The following RTTN variants were observed in gnomAD, a reference collection of about 807,000 sequenced individuals.
RTTN encodes the protein rotatin.
A neutral mutation model predicts 269.2 loss-of-function variants in RTTN; 182 were observed. The observed-to-expected ratio is 0.68, with a 90% CI of 0.60 to 0.76. The LOEUF (loss-of-function observed/expected upper bound fraction) is 0.76, where lower values mean the gene tolerates loss of function less well. RTTN is among the 30% of genes least tolerant of loss of function. RTTN has a pLI of 0.00. For synonymous variants in RTTN, 1,006 were observed against 963.5 expected, an observed-to-expected ratio of 1.04 and a Z score of -0.82; for missense variants, 2,545 against 2,608.6, an observed-to-expected ratio of 0.98 and a Z score of 0.53.
At chr18:70,118,079 T>C (rs1398491128) in intron 26 of RTTN, among the ~76,000 whole-genome samples, 6 of 151,252 alleles carry the variant, frequency 4.0e-5, no homozygotes, top group African/African-American at 1.5e-4. Context: ...GAAGCATAAA[T>C]GAAGCCAAAA....
chr18:70,048,693 T>A (rs528897041), intron 39 of RTTN, among the ~76,000 whole-genome samples: 2 of 152,212 alleles, frequency 1.3e-5, no homozygotes, highest in Admixed American at 6.5e-5. Flanking sequence ...TAAAGTTACA[T>A]AAGAAAAATA....
In RTTN at chr18:70,028,702, T is replaced by C; in HGVS notation, c.5823+22A>G. 2.0e-6 allele frequency: 3 copies of C among 1,518,728 alleles called. No individual in the cohort carries two copies. The South Asian group carries it at 3.4e-5, about 17-fold the overall frequency. The allele number at this position is 1,518,728 out of a possible 1,614,324, so 94.1% of individuals were successfully genotyped here. On this transcript the variant is annotated intron_variant, in intron 43 of 48. Transcript: ENST00000640769. ...TTAATACCAGTACTCCTATTAAAAT[T>C]TTGAAAAGTAGTTCTACTTACTTTA...
Position 70,088,116 on chromosome 18 carries a change from G to A in RTTN, c.4175C>T (p.Ala1392Val). 6 of 1,613,654 alleles carry A rather than the reference G, an allele frequency of 3.7e-6. No homozygotes were observed. The highest frequency in any genetic ancestry group is 5.1e-6 in the Non-Finnish European group (6 of 1,179,824). Residue 1392 changes from alanine to valine, a missense_variant, in exon 31 of 49, where the codon GCA becomes GTA. Transcript: ENST00000640769. The stretch of plus-strand genomic sequence containing the variant: ...ACAGCCCGTTTCAAGGGTGGTCAGT[G>A]CTGATCCTAATCCCAGTGAAGTGAA... ...VRFTSLGLGS[A>V]LTTLETGCVA...
intron 26 of RTTN, among the ~76,000 whole-genome samples, chr18:70,119,612 C>T (rs573019455): frequency 6.6e-6 from 1 of 152,120 alleles, no homozygotes; most frequent in African/African-American, 2.4e-5. Context: ...GAAAAAATCT[C>T]CATCTAATTC....
intron 23 of RTTN, chr18:70,131,982 A>G (rs2060009843): frequency 6.6e-6 from 1 of 152,054 alleles, no homozygotes; most frequent in African/African-American, 2.4e-5. Context: ...AGAACAGCTA[A>G]AACTACAAGG....
chr18:70,030,220 C>T, intron 41 of RTTN, 111 bp from the exon 42 acceptor site: 1 of 685,252 alleles, frequency 1.5e-6, no homozygotes, highest in East Asian at 2.7e-5. Context: ...TTCTGACCCA[C>T]TTCATTTTAG....
chr18:70,170,386 T>C (rs1054979018), intron 11 of RTTN, among the ~76,000 whole-genome samples: 2 of 152,048 alleles, frequency 1.3e-5, no homozygotes, highest in Middle Eastern at 3.4e-3. Context: ...TAAAACAGGA[T>C]AGGAAAGATG....
chr18:70,067,163 ATT>A (rs71178843), intron 34 of RTTN, among the ~76,000 whole-genome samples: 2 of 144,844 alleles, frequency 1.4e-5, no homozygotes, highest in Non-Finnish European at 1.5e-5. Flanking sequence ...AAGCTTGTTT[ATT>A]TTTTTTTTTT....
intron 46 of RTTN, among the ~76,000 whole-genome samples, chr18:70,012,106 T>C (rs1361540590): frequency 1.4e-5 from 2 of 142,258 alleles, no homozygotes; most frequent in African/African-American, 5.1e-5. Flanking sequence ...TCACTGGTAT[T>C]GGTTACAGGG....
At position 70,006,418 on chromosome 18, in the gene RTTN, G is replaced by C. The variant is rs772041707; in HGVS notation, c.6488C>G (p.Ala2163Gly). Residue 2163 changes from alanine to glycine, a missense_variant, in exon 47 of 49, where the codon GCA becomes GGA. Coordinates refer to ENST00000640769, the MANE Select transcript of RTTN (RefSeq NM_173630.4). ...GTAAATCAGAGCCCAAAGGGCAGCTGCTCCAATCCTCTGAGCATTTTGATT... is the reference window on the plus strand; with the variant it reads ...GTAAATCAGAGCCCAAAGGGCAGCTCCTCCAATCCTCTGAGCATTTTGATT... The part of the protein sequence containing the change: ...SENQNAQRIG[A>G]AALWALIYNY... The C allele has an allele frequency of 6.2e-7, 1 of 1,613,914 alleles. No homozygotes were observed. The highest frequency in any genetic ancestry group is 1.7e-5 in the Admixed American group (1 of 60,012).
chr18:70,176,247 ATAT>A (rs1162986927), intron 11 of RTTN, among the ~76,000 whole-genome samples: 24 of 148,398 alleles, frequency 1.6e-4, no homozygotes, highest in Non-Finnish European at 2.4e-4. Flanking sequence ...ATGTATATGT[ATAT>A]GTATATGTAT....
chr18:70,071,147 T>C (rs571494945), intron 34 of RTTN, among the ~76,000 whole-genome samples: 3 of 152,286 alleles, frequency 2.0e-5, no homozygotes, highest in Admixed American at 6.5e-5. Flanking sequence ...TGAACAAGCA[T>C]GCACTCCATG....
At chr18:70,160,074 C>G (rs1001717000) in intron 14 of RTTN, among the ~76,000 whole-genome samples, 1 of 152,128 alleles carries the variant, frequency 6.6e-6, no homozygotes, top group African/African-American at 2.4e-5. Flanking sequence ...TCCTCCCTAA[C>G]TCATTCTATG....
chr18:70,099,340 T>C (rs1599534798), intron 28 of RTTN, among the ~76,000 whole-genome samples: 1 of 152,022 alleles, frequency 6.6e-6, no homozygotes, highest in Non-Finnish European at 1.5e-5. Flanking sequence ...TCTCCGATGA[T>C]GAGCATTCTT....
At chr18:70,136,007 CAGTT>C (rs1032783342) in intron 21 of RTTN, among the ~76,000 whole-genome samples, 35 of 152,076 alleles carry the variant, frequency 2.3e-4, no homozygotes, top group African/African-American at 8.2e-4. Context: ...ACATAATACA[CAGTT>C]AGCAAATTCA....
intron 35 of RTTN, chr18:70,061,444 A>C (rs963069618): frequency 2.2e-6 from 1 of 456,116 alleles, no homozygotes; most frequent in African/African-American, 2.0e-5. Context: ...TTGGGCACTA[A>C]ATGTATACAT....
chr18:70,104,877 AC>A (rs2059279952), intron 28 of RTTN, among the ~76,000 whole-genome samples: 1 of 151,922 alleles, frequency 6.6e-6, no homozygotes, highest in African/African-American at 2.4e-5. Context: ...CAAGAGGGGC[AC>A]CCGGCTGTAT....
intron 27 of RTTN, among the ~76,000 whole-genome samples, chr18:70,111,433 C>A (rs1430958655): frequency 6.6e-6 from 1 of 152,082 alleles, no homozygotes; most frequent in Non-Finnish European, 1.5e-5. Context: ...CGAGAGTGGA[C>A]CTCTAGCAAA....
At chr18:70,102,551 G>A (rs1057292357) in intron 28 of RTTN, among the ~76,000 whole-genome samples, 2 of 152,060 alleles carry the variant, frequency 1.3e-5, no homozygotes, top group African/African-American at 4.8e-5. Context: ...TCTTTTAATT[G>A]GAGCATTTAG....
Sources: allele counts gnomAD v4.1 joint callset (sites outside exome capture counted in the v4.1 genomes callset), GRCh38; gene constraint gnomAD v4.1.1; transcripts MANE v1.5; gene names NCBI Gene and HGNC (gene_info 2026-07-23, HGNC 2026-07-21).